MYT1L: variants seen among roughly 807,000 people sequenced by gnomAD.
MYT1L encodes myelin transcription factor 1 like.
In MYT1L, 12 loss-of-function variants were observed where a neutral mutation model predicts 126.7. The observed-to-expected ratio is 0.09, with a 90% CI of 0.06 to 0.15. The LOEUF is 0.15. MYT1L is among the 10% of genes least tolerant of loss of function. The pLI is 1.00. For synonymous variants in MYT1L, 541 were observed against 604.2 expected (o/e 0.90, Z 1.53); for missense variants, 979 against 1,585.2 (o/e 0.62, Z 6.49).
chr2:2,015,405 G>A (rs1335320634), intron 4 of MYT1L, among the ~76,000 whole-genome samples: 3 of 152,160 alleles, frequency 2.0e-5, no homozygotes, highest in Non-Finnish European at 4.4e-5. Flanking sequence ...GGAAGCCATG[G>A]CTATGGGAGG....
intron 2 of MYT1L, among the ~76,000 whole-genome samples, chr2:2,256,656 A>G (rs535248132): frequency 6.6e-6 from 1 of 152,368 alleles, no homozygotes; most frequent in Admixed American, 6.5e-5. Flanking sequence ...AGTGCAGGAC[A>G]ATAAGCAGCA....
chr2:1,972,252 C>T (rs1020250764), intron 8 of MYT1L, among the ~76,000 whole-genome samples: 21 of 152,158 alleles, frequency 1.4e-4, no homozygotes, highest in Admixed American at 2.6e-4. Flanking sequence ...ATGTATTCCA[C>T]GCACCCAAGT....
chr2:1,877,948 C>T (rs1431583794), intron 18 of MYT1L, among the ~76,000 whole-genome samples: 3 of 152,152 alleles, frequency 2.0e-5, no homozygotes, highest in Admixed American at 1.3e-4. Context: ...AGAGAAATAT[C>T]GAAGATACAG....
chr2:1,902,647 A>C (rs1205323407), intron 14 of MYT1L: 1 of 169,770 alleles, frequency 5.9e-6, no homozygotes, highest in Admixed American at 5.8e-5. Context: ...GGCTGAGAAC[A>C]CCAAGGAGAT....
rs925595590 is a variant in MYT1L, at chr2:2,118,396, G to A, written c.-304+54476C>T. Reference sequence around the variant, plus strand: ...AGATAACTTAAGCAAAATAATTGGTGCATAAACACTGATATTAATGATTTC... The same window carrying A: ...AGATAACTTAAGCAAAATAATTGGTACATAAACACTGATATTAATGATTTC... On this transcript the variant is annotated intron_variant, in intron 3 of 24. Coordinates refer to ENST00000647738, the MANE Select transcript of MYT1L (RefSeq NM_001303052.2). Among the ~76,000 whole-genome samples the A allele has an allele frequency of 4.6e-5, 7 of 152,162 alleles. No homozygotes were observed. The South Asian group carries it at 1.0e-3, about 23-fold the overall frequency.
chr2:1,984,924 G>A (rs1032221810), intron 5 of MYT1L, among the ~76,000 whole-genome samples: 1 of 152,118 alleles, frequency 6.6e-6, no homozygotes, highest in African/African-American at 2.4e-5. Context: ...GTGAACCCAG[G>A]AGGAGCTCAC....
At chr2:1,947,995 C>T (rs1284043864) in intron 8 of MYT1L, among the ~76,000 whole-genome samples, 2 of 152,230 alleles carry the variant, frequency 1.3e-5, no homozygotes, top group Admixed American at 6.5e-5. Flanking sequence ...AGCACCCGGA[C>T]TCCGGCTGGG....
intron 2 of MYT1L, among the ~76,000 whole-genome samples, chr2:2,270,867 A>G (rs759792969): frequency 1.2e-4 from 18 of 150,868 alleles, no homozygotes; most frequent in Non-Finnish European, 2.4e-4. Context: ...CCTGCTCATC[A>G]TGACCTTCCT....
At chr2:2,146,762 T>A (rs1238098108) in intron 3 of MYT1L, among the ~76,000 whole-genome samples, 1 of 152,246 alleles carries the variant, frequency 6.6e-6, no homozygotes, top group African/African-American at 2.4e-5. Context: ...GATTAATCAA[T>A]GAGCTGACAC....
chr2:1,979,356 A>G lies in MYT1L; in HGVS notation c.90-129T>C, dbSNP rs2060425029. ...AAATCACACAATCCAAAGGAGGGGG[A>G]AATTCGGGGAGGCTTTTTACGAGCA... On this transcript the variant is annotated intron_variant, in intron 7 of 24. Coordinates refer to ENST00000647738, the MANE Select transcript of MYT1L (RefSeq NM_001303052.2). This position sits in a 1 kb window ranked among gnomAD's most constrained non-coding sequence, Gnocchi z 4.0. The G allele has an allele frequency of 1.8e-6, 2 of 1,093,236 alleles. No individual in the cohort carries two copies. Among genetic ancestry groups the G allele is most frequent in the East Asian group, 5.0e-5 (2 of 40,224 alleles). 67.7% of individuals were successfully genotyped at this position (1,093,236 alleles called of 1,614,324 possible). A position where few individuals can be genotyped will look rare whatever the true frequency, so the allele number is the denominator to read the frequency against.
At chr2:1,895,992 A>T (rs1356198740) in intron 14 of MYT1L, among the ~76,000 whole-genome samples, 2 of 152,222 alleles carry the variant, frequency 1.3e-5, no homozygotes, top group Non-Finnish European at 2.9e-5. Flanking sequence ...ACTTCAACAA[A>T]CAAACCACAA....
In MYT1L at chr2:2,199,156, A is replaced by C. The variant is rs563338515; in HGVS notation, c.-420-26168T>G. Among the ~76,000 whole-genome samples the C allele has an allele frequency of 1.5e-4, 23 of 152,354 alleles. No individual in the cohort carries two copies. In the South Asian group the frequency reaches 4.6e-3, roughly 30 times the overall value. ...GAAGTGGGAGAAGAACATCACAATG[A>C]GATCTTTACAAACATTGTCCTTAAT... is the stretch of plus-strand genomic sequence containing the variant. On this transcript the variant is annotated intron_variant, in intron 2 of 24. Transcript: ENST00000647738.
At chr2:1,905,627 T>C (rs2050950729) in intron 13 of MYT1L, among the ~76,000 whole-genome samples, 1 of 152,214 alleles carries the variant, frequency 6.6e-6, no homozygotes, top group Non-Finnish European at 1.5e-5. Flanking sequence ...GTGCTGGGAT[T>C]ACAGGCGCCA....
intron 4 of MYT1L, among the ~76,000 whole-genome samples, chr2:2,010,644 C>T (rs1476134534): frequency 2.0e-5 from 3 of 152,122 alleles, no homozygotes; most frequent in Non-Finnish European, 4.4e-5. Context: ...CATTTAAAGA[C>T]CAGGGATTAC....
At chr2:2,073,331 A>C (rs779999558) in intron 3 of MYT1L, among the ~76,000 whole-genome samples, 2 of 151,146 alleles carry the variant, frequency 1.3e-5, no homozygotes, top group Admixed American at 1.3e-4. Flanking sequence ...CTAGAAGAAG[A>C]AGGGCCACCT....
intron 3 of MYT1L, among the ~76,000 whole-genome samples, chr2:2,147,466 T>A (rs147468581): frequency 4.6e-5 from 7 of 152,224 alleles, no homozygotes. Flanking sequence ...CTCCATCAGA[T>A]GCCATTCGGC....
In MYT1L at chr2:1,912,181, G is replaced by T; in HGVS notation, c.1619-71C>A. The T allele has an allele frequency of 8.8e-7, 1 of 1,134,576 alleles. No individual in the cohort carries two copies. Among genetic ancestry groups the T allele is most frequent in the Non-Finnish European group, 1.2e-6 (1 of 802,222 alleles). 70.3% of individuals were successfully genotyped at this position (1,134,576 alleles called of 1,614,324 possible). On this transcript the variant is annotated intron_variant, in intron 11 of 24. Coordinates refer to ENST00000647738, the MANE Select transcript of MYT1L (RefSeq NM_001303052.2). The surrounding 1 kb of genome is among the most constrained non-coding windows in gnomAD (Gnocchi z 4.3). ...CACGGTTAGGGCACATGAAAATGCA[G>T]TCATTTAACAAAGGCCAGGTCGCTC... is the stretch of plus-strand genomic sequence containing the variant.
chr2:1,956,387 A>C (rs2058390224), intron 8 of MYT1L, among the ~76,000 whole-genome samples: 1 of 108,910 alleles, frequency 9.2e-6, no homozygotes. Flanking sequence ...TATATTTCCT[A>C]TTCTTTCTAT....
chr2:2,076,509 C>G (rs1306148008), intron 3 of MYT1L, among the ~76,000 whole-genome samples: 2 of 152,038 alleles, frequency 1.3e-5, no homozygotes, highest in African/African-American at 2.4e-5. Flanking sequence ...AAAAACTAAC[C>G]AATAAACAGA....
Sources: allele counts gnomAD v4.1 joint callset (sites outside exome capture counted in the v4.1 genomes callset), GRCh38; gene constraint gnomAD v4.1.1; non-coding constraint Gnocchi (gnomAD v3.1); transcripts MANE v1.5; gene names NCBI Gene and HGNC (gene_info 2026-07-23, HGNC 2026-07-21).